BLM: variants seen among roughly 807,000 people sequenced by gnomAD.
The protein encoded by BLM is BLM RecQ like helicase.
BLM carries 95 observed loss-of-function variants against 135.3 expected under a neutral mutation model. The observed-to-expected ratio is 0.70, with a 90% CI of 0.59 to 0.83. The LOEUF is 0.83. Ranked by LOEUF, BLM falls within the 40% of genes least tolerant of loss-of-function variation. BLM has a pLI of 0.00. For synonymous variants in BLM, 520 were observed against 589.2 expected (o/e 0.88, Z 1.70); for missense variants, 1,518 against 1,663.9 (o/e 0.91, Z 1.53).
intron 13 of BLM, among the ~76,000 whole-genome samples, chr15:90,783,826 G>A (rs1470479595): frequency 6.6e-6 from 1 of 152,158 alleles, no homozygotes; most frequent in Non-Finnish European, 1.5e-5. Context: ...GGGAGGCAGA[G>A]GTTGCAGTGA....
intron 1 of BLM, among the ~76,000 whole-genome samples, chr15:90,738,548 G>C (rs1370787253): frequency 1.3e-5 from 2 of 151,092 alleles, no homozygotes; most frequent in Non-Finnish European, 2.9e-5. Flanking sequence ...GGGTGACAGA[G>C]TGAAACCCTG....
chr15:90,767,218 T>C (rs1896158530), intron 10 of BLM, among the ~76,000 whole-genome samples, 195 bp downstream of exon 10: 1 of 152,230 alleles, frequency 6.6e-6, no homozygotes, highest in Admixed American at 6.5e-5. Context: ...ACACATTTGA[T>C]TGAAAATTGC....
At chr15:90,799,247 G>A (rs1219612725) in intron 17 of BLM, among the ~76,000 whole-genome samples, 1 of 151,964 alleles carries the variant, frequency 6.6e-6, no homozygotes, top group East Asian at 1.9e-4. Context: ...ATTGAAAATA[G>A]TAGTTTGGGA....
chr15:90,725,667 A>AT (rs71154128), intron 1 of BLM, among the ~76,000 whole-genome samples: 33,333 of 141,428 alleles, frequency 0.24, 4,010 homozygotes, highest in East Asian at 0.45. Flanking sequence ...TGCCCGGCTA[A>AT]TTTTTTTTTT....
rs1555420871 is a variant in BLM at position 90,769,437 on chromosome 15, G to A, written c.2407-1G>A. On this transcript the variant is annotated splice_acceptor_variant, in intron 11 of 21. Transcript: ENST00000355112. LOFTEE classifies it high-confidence loss of function. ...AAAGCAGTATTTTTTTTTCCAACTA[G>A]TGGGGACATGATTTTCGTCAAGATT... The A allele has an allele frequency of 1.2e-6, 2 of 1,614,036 alleles. No individual in the cohort carries two copies. Among genetic ancestry groups the A allele is most frequent in the East Asian group, 2.2e-5 (1 of 44,890 alleles).
chr15:90,747,894 G>A (rs967988179), intron 2 of BLM, among the ~76,000 whole-genome samples: 5 of 152,128 alleles, frequency 3.3e-5, no homozygotes, highest in South Asian at 2.1e-4. Flanking sequence ...TGCAAGCTCC[G>A]CCTCCTGGGT....
intron 1 of BLM, among the ~76,000 whole-genome samples, chr15:90,722,864 G>A (rs1894804873): frequency 6.6e-6 from 1 of 152,070 alleles, no homozygotes; most frequent in South Asian, 2.1e-4. Flanking sequence ...TTTTGAGACG[G>A]AGTTTTGCTC....
In BLM at chr15:90,749,757, T is replaced by C. The variant is rs781044650; in HGVS notation, c.489T>C (p.Ser163=). The change falls in exon 3 of 22, where the codon TCT becomes TCC. Residue 163 remains serine (S), a synonymous_variant. Transcript: ENST00000355112. ...DWDDMDDFDT[S]ETSKSFVTPP... is the part of the protein sequence containing the mutation. ...ATGATATGGATGACTTTGATACTTCTGAGACTTCAAAATCATTTGTTACAC... is the reference window on the plus strand; with the variant it reads ...ATGATATGGATGACTTTGATACTTCCGAGACTTCAAAATCATTTGTTACAC... 14 of 1,613,502 alleles carry C rather than the reference T, an allele frequency of 8.7e-6. No individual in the cohort carries two copies. Among genetic ancestry groups the C allele is most frequent in the Non-Finnish European group, 1.1e-5 (13 of 1,179,684 alleles).
chr15:90,742,696 G>C (rs954030815), intron 1 of BLM, among the ~76,000 whole-genome samples: 6 of 151,482 alleles, frequency 4.0e-5, no homozygotes, highest in Admixed American at 3.9e-4. Flanking sequence ...GTGCAGTGGG[G>C]TGATCATGGC....
Position 90,782,802 on chromosome 15 carries a change from T to C in BLM, c.2556-20T>C. The C allele has an allele frequency of 6.4e-7, 1 of 1,559,860 alleles. No individual in the cohort carries two copies. The highest frequency in any genetic ancestry group is 8.8e-7 in the Non-Finnish European group (1 of 1,130,902). ...ATATTTTCTCATAATAACTAAATTT[T>C]ATGTTTGGGACTTTTTTAGGTTTAG... is the stretch of plus-strand genomic sequence containing the variant. On this transcript the variant is annotated intron_variant, in intron 12 of 21. Transcript: ENST00000355112.
intron 20 of BLM, among the ~76,000 whole-genome samples, chr15:90,809,866 T>C (rs1897367589): frequency 6.6e-6 from 1 of 151,996 alleles, no homozygotes; most frequent in Non-Finnish European, 1.5e-5. Context: ...CTGGGGGAAA[T>C]GAGAACAACA....
chr15:90,799,626 TA>T (rs10600094), intron 17 of BLM, among the ~76,000 whole-genome samples: 10,600 of 107,580 alleles, frequency 0.099, 510 homozygotes, highest in African/African-American at 0.17. Context: ...AAGATGCCTG[TA>T]AAAAAAAAAA....
rs186243354 is a variant in BLM at position 90,786,802 on chromosome 15, A to G, written c.2823+1721A>G. Reference sequence around the variant, plus strand: ...GCTTATTTTTGTATTTTTAGTAGAGACAGGGTTTCACCATATTGGCCAGGC... The same window carrying G: ...GCTTATTTTTGTATTTTTAGTAGAGGCAGGGTTTCACCATATTGGCCAGGC... On this transcript the variant is annotated intron_variant, in intron 14 of 21. Coordinates refer to ENST00000355112, the MANE Select transcript of BLM (RefSeq NM_000057.4). Among the ~76,000 whole-genome samples, 544 of 151,830 alleles carry G rather than the reference A, an allele frequency of 3.6e-3. 1 individual carries two copies. The highest frequency in any genetic ancestry group is 0.017 in the Middle Eastern group (5 of 294).
rs1192063293 is a variant in BLM at position 90,769,421 on chromosome 15, T to C, written c.2407-17T>C. On this transcript the variant is annotated splice_polypyrimidine_tract_variant and intron_variant, in intron 11 of 21. Coordinates refer to ENST00000355112, the MANE Select transcript of BLM (RefSeq NM_000057.4). Reference sequence around the variant, plus strand: ...GCTCCAAGTAGTCTGAAAAGCAGTATTTTTTTTTCCAACTAGTGGGGACAT... The same window carrying C: ...GCTCCAAGTAGTCTGAAAAGCAGTACTTTTTTTTCCAACTAGTGGGGACAT... The C allele has an allele frequency of 6.2e-7, 1 of 1,602,894 alleles. No individual in the cohort carries two copies. Among genetic ancestry groups the C allele is most frequent in the Admixed American group, 1.7e-5 (1 of 59,780 alleles).
chr15:90,731,997 AC>A (rs1171550181), intron 1 of BLM, among the ~76,000 whole-genome samples: 2 of 151,740 alleles, frequency 1.3e-5, no homozygotes, highest in East Asian at 3.9e-4. Context: ...AATGCGTCTG[AC>A]CCTCTTCTCT....
At chr15:90,719,626 AAG>A (rs895609732) in intron 1 of BLM, among the ~76,000 whole-genome samples, 4 of 152,128 alleles carry the variant, frequency 2.6e-5, no homozygotes, top group Admixed American at 6.6e-5. Flanking sequence ...ATGCCTTTAA[AAG>A]AGAGAGAATA....
intron 20 of BLM, among the ~76,000 whole-genome samples, chr15:90,810,124 A>G (rs1423193364): frequency 6.6e-6 from 1 of 151,586 alleles, no homozygotes; most frequent in Non-Finnish European, 1.5e-5. Flanking sequence ...CAGTGGCACA[A>G]TCTTGGCTCA....
intron 19 of BLM, among the ~76,000 whole-genome samples, chr15:90,807,804 T>C (rs958193820): frequency 1.3e-5 from 2 of 152,234 alleles, no homozygotes; most frequent in African/African-American, 4.8e-5. Context: ...ATAGTCTTTT[T>C]GAAGACATGT....
chr15:90,736,853 A>C (rs1596206632), intron 1 of BLM, among the ~76,000 whole-genome samples: 1 of 152,252 alleles, frequency 6.6e-6, no homozygotes, highest in East Asian at 1.9e-4. Flanking sequence ...AAAGAAAAAC[A>C]GGAAAGATAA....
Sources: allele counts gnomAD v4.1 joint callset (sites outside exome capture counted in the v4.1 genomes callset), GRCh38; gene constraint gnomAD v4.1.1; transcripts MANE v1.5; gene names NCBI Gene and HGNC (gene_info 2026-07-23, HGNC 2026-07-21).